COG4: variants seen among roughly 807,000 people sequenced by gnomAD.
The protein encoded by COG4 is conserved oligomeric Golgi complex subunit 4.
Under a neutral mutation model 95.1 loss-of-function variants are expected in COG4, and 65 were observed. The ratio of observed to expected loss-of-function variants is 0.68; its 90% CI spans 0.56 to 0.84. The LOEUF is 0.84. Ranked by LOEUF, COG4 falls within the 40% of genes least tolerant of loss-of-function variation. The pLI is 0.00. For synonymous variants in COG4, 421 were observed against 374.8 expected (o/e 1.12, Z -1.42); for missense variants, 1,045 against 989.1 (o/e 1.06, Z -0.76).
In COG4 at chr16:70,517,630, G is replaced by C. The variant is rs1265824099; in HGVS notation, c.365C>G (p.Ala122Gly). Residue 122 changes from alanine to glycine, a missense_variant, in exon 3 of 19, where the codon GCC (alanine) becomes GGC (glycine). By Grantham distance (60) the Ala-to-Gly change is moderately conservative. Transcript: ENST00000323786. Reference sequence around the variant, plus strand: ...AAAAAAAGCTTGATGTATTACCTTGGCCAGGTCAAGCTGACGAACTTTGCT... The same window carrying C: ...AAAAAAAGCTTGATGTATTACCTTGCCCAGGTCAAGCTGACGAACTTTGCT... ...VSSKVRQLDL[A>G]KNRLYQAIQR... 6.7e-7 allele frequency: 1 copy of C among 1,484,750 alleles called. No individual in the cohort carries two copies. Among genetic ancestry groups the C allele is most frequent in the Non-Finnish European group, 9.4e-7 (1 of 1,066,276 alleles). The allele number at this position is 1,484,750 out of a possible 1,614,324, so 92.0% of individuals were successfully genotyped here.
Position 70,482,711 on chromosome 16 carries a change from G to C in COG4, c.1920+18C>G, listed in dbSNP as rs756356860. 2.5e-6 allele frequency: 4 copies of C among 1,607,842 alleles called. No individual in the cohort carries two copies. The highest frequency in any genetic ancestry group is 3.4e-6 in the Non-Finnish European group (4 of 1,174,672). ...GAGGGGTCATCGGGGCTTGATGGCT[G>C]CCTGTGGCCAGGCTAACCTCCTCGA... On this transcript the variant is annotated intron_variant, in intron 15 of 18. Coordinates refer to ENST00000323786, the MANE Select transcript of COG4 (RefSeq NM_015386.3).
intron 2 of COG4, 47 bp from the exon 3 acceptor site, chr16:70,517,787 G>A (rs1187351801): frequency 7.4e-7 from 1 of 1,358,888 alleles, no homozygotes; most frequent in Non-Finnish European, 1.1e-6. Flanking sequence ...GGGCAGAGAA[G>A]AGACAGAAAC....
At position 70,519,597 on chromosome 16, in the gene COG4, A is replaced by C. The variant is rs878859750; in HGVS notation, c.254+52T>G. The C allele has an allele frequency of 1.5e-5, 20 of 1,372,114 alleles. No homozygotes were observed. The South Asian group carries it at 2.3e-4, about 16-fold the overall frequency. 85.0% of individuals were successfully genotyped at this position (1,372,114 alleles called of 1,614,324 possible). A position where few individuals can be genotyped will look rare whatever the true frequency, so the allele number is the denominator to read the frequency against. ...AAGTTTAAAAAATGGTCACTTGTCC[A>C]ATTGACCCTGTTGGAATTTACATTA... On this transcript the variant is annotated intron_variant, in intron 2 of 18. Coordinates refer to ENST00000323786, the MANE Select transcript of COG4 (RefSeq NM_015386.3).
rs773251126 is a variant in COG4 at position 70,514,534 on chromosome 16, A to G, written c.370-25T>C. The G allele has an allele frequency of 5.0e-6, 8 of 1,609,152 alleles. No homozygotes were observed. The South Asian group carries it at 7.7e-5, about 15-fold the overall frequency. On this transcript the variant is annotated intron_variant, in intron 3 of 18. Transcript: ENST00000323786. ...TCTGCAAAAAGATTTGGTACTTACA[A>G]ACAATGTCCTATTCTTTCAAAAACA...
intron 6 of COG4, 151 bp downstream of exon 6, chr16:70,509,765 A>C (rs754576965): frequency 5.7e-6 from 4 of 703,684 alleles, no homozygotes; most frequent in Non-Finnish European, 2.5e-6. Context: ...CAGGCACTGA[A>C]TCTGGAAGTT....
chr16:70,500,365 CTT>C lies in COG4; in HGVS notation c.1195+591_1195+592del, dbSNP rs68141616. On this transcript the variant is annotated intron_variant, in intron 9 of 18. Coordinates refer to ENST00000323786, the MANE Select transcript of COG4 (RefSeq NM_015386.3). ...AGAGGATTCCTGTACATTATATACT[CTT>C]TTTTTTTTTTTTTTTTTTTGAGACA... Among the ~76,000 whole-genome samples, 174 of 96,144 alleles carry C rather than the reference CTT, an allele frequency of 1.8e-3. 1 individual carries two copies. Among genetic ancestry groups the C allele is most frequent in the East Asian group, 2.4e-3 (8 of 3,350 alleles). 63.1% of individuals were successfully genotyped at this position (96,144 alleles called of 152,430 possible). A position where few individuals can be genotyped will look rare whatever the true frequency, so the allele number is the denominator to read the frequency against.
chr16:70,509,915 C>T lies in COG4; in HGVS notation c.844+1G>A, dbSNP rs773457236. 3.7e-6 allele frequency: 6 copies of T among 1,612,004 alleles called. No homozygotes were observed. Among genetic ancestry groups the T allele is most frequent in the South Asian group, 3.3e-5 (3 of 91,038 alleles). On this transcript the variant is annotated splice_donor_variant, in intron 6 of 18. Transcript: ENST00000323786. LOFTEE classifies it high-confidence loss of function. The stretch of plus-strand genomic sequence containing the variant: ...TCTCTAGAGCGGAGAAAGAGGCTCA[C>T]CTTCAAACAGAAGAGTAAGTGTATC...
chr16:70,493,797 T>G (rs1317210472), intron 12 of COG4, among the ~76,000 whole-genome samples: 3 of 151,864 alleles, frequency 2.0e-5, no homozygotes, highest in Non-Finnish European at 4.4e-5. Flanking sequence ...ACAGCTGTGG[T>G]TCAGGAATAC....
rs200267346 is a variant in COG4 at position 70,497,361 on chromosome 16, C to T, written c.1341G>A (p.Lys447=). The change falls in exon 11 of 19, where the codon AAG becomes AAA. Residue 447 remains lysine (K), a synonymous_variant. Transcript: ENST00000323786. ...CCACCATGCTGGATGTCAGCTGGCC[C>T]TTCTCATAGGTGTCCAGAGCCACAG... ...NKAVALDTYE[K]GQLTSSMVDD... is the part of the protein sequence containing the mutation. 3.7e-6 allele frequency: 6 copies of T among 1,613,776 alleles called. 1 individual carries two copies. In the Admixed American group the frequency reaches 1.0e-4, roughly 27 times the overall value.
intron 5 of COG4, 152 bp downstream of exon 5, chr16:70,512,087 T>G (rs538170756): frequency 8.0e-6 from 6 of 754,628 alleles, no homozygotes; most frequent in East Asian, 2.7e-5. Flanking sequence ...AATGAACACA[T>G]GCATCCAGTC....
At chr16:70,496,839 C>T (rs2049350170) in intron 11 of COG4, among the ~76,000 whole-genome samples, 1 of 152,184 alleles carries the variant, frequency 6.6e-6, no homozygotes, top group Admixed American at 6.6e-5. Flanking sequence ...AGCACAGTTT[C>T]TTCATCTATA....
intron 3 of COG4, chr16:70,516,087 CTA>C (rs1364116997): frequency 2.2e-6 from 1 of 455,556 alleles, no homozygotes; most frequent in African/African-American, 2.0e-5. Flanking sequence ...TCTTCTGAGT[CTA>C]TGAGGTGATC....
Position 70,492,219 on chromosome 16 carries a change from T to C in COG4, c.1648-1827A>G, listed in dbSNP as rs1159507039. On this transcript the variant is annotated intron_variant, in intron 12 of 18. Coordinates refer to ENST00000323786, the MANE Select transcript of COG4 (RefSeq NM_015386.3). Reference sequence around the variant, plus strand: ...CTTCCCCCATAATTTGCCCTATTCATCTCTTCATCTGTATCCTATATAATA... The same window carrying C: ...CTTCCCCCATAATTTGCCCTATTCACCTCTTCATCTGTATCCTATATAATA... Among the ~76,000 whole-genome samples the C allele has an allele frequency of 3.9e-5, 6 of 152,212 alleles. No individual in the cohort carries two copies. The East Asian group carries it at 1.2e-3, about 29-fold the overall frequency.
At chr16:70,521,699 AT>A (rs566000095) in intron 1 of COG4, among the ~76,000 whole-genome samples, 13,411 of 133,802 alleles carry the variant, frequency 0.1, 1,700 homozygotes, top group African/African-American at 0.35. Flanking sequence ...AAGATACTAA[AT>A]TTTTTTTTTT....
intron 1 of COG4, among the ~76,000 whole-genome samples, chr16:70,520,758 T>C (rs1375464048): frequency 6.6e-6 from 1 of 152,180 alleles, no homozygotes; most frequent in Non-Finnish European, 1.5e-5. Flanking sequence ...CCAGGGGTTA[T>C]AAATATAATT....
At chr16:70,490,764 A>G (rs1417856091) in intron 12 of COG4, among the ~76,000 whole-genome samples, 1 of 151,800 alleles carries the variant, frequency 6.6e-6, no homozygotes, top group Non-Finnish European at 1.5e-5. Context: ...GGTTCATGCC[A>G]TTCTCCTGCC....
chr16:70,520,134 C>G (rs1247018009), intron 1 of COG4, among the ~76,000 whole-genome samples: 4 of 151,902 alleles, frequency 2.6e-5, no homozygotes, highest in Non-Finnish European at 5.9e-5. Flanking sequence ...AACCCCATCT[C>G]TACTAAAAAT....
chr16:70,504,317 C>T (rs1181274815), intron 8 of COG4, among the ~76,000 whole-genome samples: 2 of 151,972 alleles, frequency 1.3e-5, no homozygotes, highest in Non-Finnish European at 2.9e-5. Context: ...AAAAAATTAT[C>T]CAGTCAAGGC....
chr16:70,481,611 TCTACGGCTTCAGAAGC>T, intron 17 of COG4, 124 bp from the exon 18 acceptor site: 1 of 1,484,198 alleles, frequency 6.7e-7, no homozygotes. Flanking sequence ...GTTTGTTTGC[TCTACGGCTTCAGAAGC>T]CAGAGCAGGA....
Sources: gnomAD v4.1 joint callset for allele counts (sites outside exome capture counted in the v4.1 genomes callset) on GRCh38, gnomAD v4.1.1 for gene constraint, MANE v1.5 for transcripts, NCBI Gene and HGNC (gene_info 2026-07-23, HGNC 2026-07-21) for gene names.